Variants in ATG2A observed in about 807,000 individuals in gnomAD.
ATG2A encodes autophagy related 2A, also known as autophagy-related protein 2 homolog A.
Under a neutral mutation model 214.2 loss-of-function variants are expected in ATG2A, and 103 were observed. That is an observed-to-expected ratio of 0.48 (90% confidence interval 0.41 to 0.57). ATG2A has a LOEUF of 0.57. Ranked by LOEUF, ATG2A falls within the 20% of genes least tolerant of loss-of-function variation. The pLI is 0.00. For synonymous variants in ATG2A, 1,160 were observed against 1,142.1 expected, an observed-to-expected ratio of 1.02 and a Z score of -0.32; for missense variants, 2,312 against 2,613.2, an observed-to-expected ratio of 0.88 and a Z score of 2.51.
In ATG2A at chr11:64,903,788, G is replaced by A; in HGVS notation, c.3465-128C>T. 1.2e-6 allele frequency: 1 copy of A among 865,650 alleles called. No individual in the cohort carries two copies. Among genetic ancestry groups the A allele is most frequent in the Non-Finnish European group, 1.7e-6 (1 of 574,788 alleles). The allele number at this position is 865,650 out of a possible 1,614,324, so 53.6% of individuals were successfully genotyped here. A position where few individuals can be genotyped will look rare whatever the true frequency, so the allele number is the denominator to read the frequency against. ...AGGCCCCTCCAGCCTCAGCGTTCCTGCCTGCACAATGGGGAGAAGGCCCAG... is the reference window on the plus strand; with the variant it reads ...AGGCCCCTCCAGCCTCAGCGTTCCTACCTGCACAATGGGGAGAAGGCCCAG... On this transcript the variant is annotated intron_variant, in intron 24 of 40. Transcript: ENST00000377264. The surrounding 1 kb of genome is among the most constrained non-coding windows in gnomAD (Gnocchi z 4.2).
intron 1 of ATG2A, 126 bp downstream of exon 1, chr11:64,916,839 G>GA: frequency 7.4e-7 from 1 of 1,357,870 alleles, no homozygotes; most frequent in Non-Finnish European, 1.0e-6. Flanking sequence ...CGCCTGGAGA[G>GA]GGCAAGATTC....
chr11:64,907,931 G>T (rs762521002), intron 16 of ATG2A, 41 bp from the exon 17 acceptor site: 6 of 1,591,466 alleles, frequency 3.8e-6, no homozygotes, highest in Non-Finnish European at 5.1e-6. Context: ...AGTCATCTTA[G>T]AGACGCTGGC....
At position 64,895,091 on chromosome 11, in the gene ATG2A, G is replaced by A; in HGVS notation, c.5699C>T (p.Pro1900Leu). Residue 1900 changes from proline (P) to leucine (L), a missense_variant, in exon 41 of 41, where the codon CCG (proline) becomes CTG (leucine). By Grantham distance (98) the Pro-to-Leu change is moderately conservative. Transcript: ENST00000377264. The surrounding 1 kb of genome is among the most constrained non-coding windows in gnomAD (Gnocchi z 5.0). ...CGTGGCCTCCGTGGCCAGGATGAGC[G>A]GCTTCACCACAGTCGGGGGCAGCTG... is the stretch of plus-strand genomic sequence containing the variant. ...IRQLPPTVVK[P>L]LILATEATSS... 1.9e-6 allele frequency: 3 copies of A among 1,613,006 alleles called. No homozygotes were observed. The highest frequency in any genetic ancestry group is 2.5e-6 in the Non-Finnish European group (3 of 1,179,804).
chr11:64,909,768 T>G lies in ATG2A; in HGVS notation c.2020A>C (p.Ser674Arg). 1.9e-6 allele frequency: 3 copies of G among 1,612,802 alleles called. No individual in the cohort carries two copies. The highest frequency in any genetic ancestry group is 1.1e-5 in the South Asian group (1 of 91,084). Residue 674 changes from serine (S) to arginine (R), a missense_variant, in exon 14 of 41, where the codon AGT becomes CGT. By Grantham distance (110) the Ser-to-Arg change is moderately radical. Transcript: ENST00000377264. ...AGCTCTGACCGGAACTGGGGCTCAC[T>G]CAGCTCCAGCCGAAGCTGCTCAGCC... Reference protein sequence around the residue: ...VRAEQLRLELSEPQFRSELSS... With the variant: ...VRAEQLRLELREPQFRSELSS...
intron 15 of ATG2A, 59 bp downstream of exon 15, chr11:64,909,212 C>A: frequency 6.2e-7 from 1 of 1,609,610 alleles, no homozygotes; most frequent in Non-Finnish European, 8.5e-7. Context: ...CCAAACTGGC[C>A]CCCTGCCACC....
rs774336624 is a variant in ATG2A at position 64,905,873 on chromosome 11, G to A, written c.3265-25C>T. 2.6e-5 allele frequency: 41 copies of A among 1,605,152 alleles called. No homozygotes were observed. The Admixed American group carries it at 6.7e-4, about 26-fold the overall frequency. The stretch of plus-strand genomic sequence containing the variant: ...ACTTCAGAGGCCAGGGCAGGAGGAA[G>A]CAGTGAGGATCAGGTGGTGTCCTCC... On this transcript the variant is annotated intron_variant, in intron 22 of 40. Transcript: ENST00000377264.
At position 64,897,948 on chromosome 11, in the gene ATG2A, T is replaced by C. The variant is rs759019511; in HGVS notation, c.4885A>G (p.Ser1629Gly). The change falls in exon 35 of 41, where the codon AGC becomes GGC. Residue 1629 changes from serine (S) to glycine (G), a missense_variant. By Grantham distance (56) the Ser-to-Gly change is moderately conservative. Transcript: ENST00000377264. ...EARPETRAQP[S>G]SPLEGQAEGV... ...TCGGCCTGCCCTTCCAGGGGGCTGC[T>C]GGGCTGGGCTCGAGTCTCGGGGCGA... The C allele has an allele frequency of 6.5e-7, 1 of 1,549,962 alleles. No individual in the cohort carries two copies. Among genetic ancestry groups the C allele is most frequent in the Admixed American group, 1.9e-5 (1 of 51,590 alleles).
rs1944423725 is a variant in ATG2A, at chr11:64,903,280, T to A, written c.3612+8A>T. ...GGCTCCAGGAGCCAGAGTGACAGCC[T>A]CACTCACCAGTTTGCCCTCGGTGCT... On this transcript the variant is annotated splice_region_variant and intron_variant, in intron 26 of 40. Transcript: ENST00000377264. The surrounding 1 kb of genome is among the most constrained non-coding windows in gnomAD (Gnocchi z 4.2). 1 of 1,613,382 alleles carries A rather than the reference T, an allele frequency of 6.2e-7. No homozygotes were observed. Among genetic ancestry groups the A allele is most frequent in the Non-Finnish European group, 8.5e-7 (1 of 1,179,762 alleles).
chr11:64,909,390 G>A (rs1253994635), intron 14 of ATG2A, 23 bp from the exon 15 acceptor site: 3 of 1,603,274 alleles, frequency 1.9e-6, no homozygotes, highest in East Asian at 4.5e-5. Context: ...GGGGAATTAG[G>A]GGGGTCATCA....
Position 64,902,045 on chromosome 11 carries a change from C to T in ATG2A, c.4036G>A (p.Asp1346Asn). The change falls in exon 29 of 41, where the codon GAT becomes AAT. Residue 1346 changes from aspartate to asparagine, a missense_variant. Asp to Asn is a conservative substitution (Grantham distance 23). Transcript: ENST00000377264. ...SLGSCSEEKE[D>N]EREEEGDGDT... The stretch of plus-strand genomic sequence containing the variant: ...CCATCGCCCTCCTCTTCCCTTTCAT[C>T]TTCCTTCTCCTCTGAGCATGACCCT... 6.2e-7 allele frequency: 1 copy of T among 1,614,066 alleles called. No individual in the cohort carries two copies. Among genetic ancestry groups the T allele is most frequent in the Non-Finnish European group, 8.5e-7 (1 of 1,180,036 alleles).
chr11:64,897,867 G>A lies in ATG2A; in HGVS notation c.4966C>T (p.Pro1656Ser). 6.3e-7 allele frequency: 1 copy of A among 1,593,706 alleles called. No individual in the cohort carries two copies. The highest frequency in any genetic ancestry group is 8.6e-7 in the Non-Finnish European group (1 of 1,168,548). The change falls in exon 35 of 41, where the codon CCT becomes TCT. Residue 1656 changes from proline to serine, a missense_variant. Pro to Ser is a moderately conservative substitution (Grantham distance 74). Transcript: ENST00000377264. ...EAPGGGHSPSPPDQQPIYFRE... is the reference protein window; with the variant it reads ...EAPGGGHSPSSPDQQPIYFRE... ...AAGTAGATGGGCTGCTGGTCAGGAG[G>A]GGAGGGGCTGTGTCCACCTCCTGGG... is the stretch of plus-strand genomic sequence containing the variant.
intron 14 of ATG2A, 85 bp from the exon 15 acceptor site, chr11:64,909,452 GC>G: frequency 1.4e-6 from 2 of 1,455,750 alleles, no homozygotes; most frequent in Non-Finnish European, 1.9e-6. Flanking sequence ...TCAGAGCTGT[GC>G]CCCCGACTCC....
chr11:64,912,247 G>A lies in ATG2A; in HGVS notation c.925C>T (p.His309Tyr). ...ELLSAVSLTD[H>Y]EGLADKLNKS... ...TTCAGCTTGTCAGCCAGGCCCTCGT[G>A]GTCTGCAGGGGAGGAGACTTCAGTC... is the stretch of plus-strand genomic sequence containing the variant. Residue 309 changes from histidine to tyrosine, a missense_variant and splice_region_variant, in exon 8 of 41, where the codon CAC becomes TAC. Coordinates refer to ENST00000377264, the MANE Select transcript of ATG2A (RefSeq NM_015104.3). 1 of 1,612,548 alleles carries A rather than the reference G, an allele frequency of 6.2e-7. No individual in the cohort carries two copies. The highest frequency in any genetic ancestry group is 8.5e-7 in the Non-Finnish European group (1 of 1,179,172).
intron 19 of ATG2A, 121 bp downstream of exon 19, chr11:64,907,134 C>G: frequency 8.1e-7 from 1 of 1,228,932 alleles, no homozygotes; most frequent in Middle Eastern, 2.9e-4. Context: ...GGTGGGCTGG[C>G]GCTGCCCACT....
chr11:64,915,255 C>A (rs1204673273), intron 1 of ATG2A, among the ~76,000 whole-genome samples: 1 of 151,388 alleles, frequency 6.6e-6, no homozygotes, highest in East Asian at 1.9e-4. Flanking sequence ...CTGGAAGCTC[C>A]TGGAGGGCTG....
Position 64,903,245 on chromosome 11 carries a change from C to T in ATG2A, c.3612+43G>A, listed in dbSNP as rs763353240. The T allele has an allele frequency of 6.3e-7, 1 of 1,588,844 alleles. No individual in the cohort carries two copies. Among genetic ancestry groups the T allele is most frequent in the South Asian group, 1.1e-5 (1 of 90,284 alleles). ...CCCCTGAAGACTCCCTTGGCCCCTG[C>T]ACCTGCTGTGGCTCCAGGAGCCAGA... On this transcript the variant is annotated intron_variant, in intron 26 of 40. Transcript: ENST00000377264. The surrounding 1 kb of genome is among the most constrained non-coding windows in gnomAD (Gnocchi z 4.2).
At chr11:64,912,781 C>T (rs923398961) in intron 6 of ATG2A, 49 of 459,770 alleles carry the variant, frequency 1.1e-4, no homozygotes, top group South Asian at 8.7e-4. Flanking sequence ...TTAGTAGAGA[C>T]GGGGTTTCAC....
At chr11:64,904,103 G>C (rs531408407) in intron 24 of ATG2A, among the ~76,000 whole-genome samples, 2 of 151,996 alleles carry the variant, frequency 1.3e-5, no homozygotes, top group South Asian at 4.2e-4. Context: ...AATATTAGCC[G>C]AGCATGGTGG....
At position 64,898,001 on chromosome 11, in the gene ATG2A, G is replaced by A. The variant is rs371303823; in HGVS notation, c.4859-27C>T. The A allele has an allele frequency of 6.3e-7, 1 of 1,577,754 alleles. No homozygotes were observed. ...TAGGGGAGGGGAGGTCACAGACTGGGGATGGGGCCAGGAATGACTGGGAAC... is the reference window on the plus strand; with the variant it reads ...TAGGGGAGGGGAGGTCACAGACTGGAGATGGGGCCAGGAATGACTGGGAAC... On this transcript the variant is annotated intron_variant, in intron 34 of 40. Coordinates refer to ENST00000377264, the MANE Select transcript of ATG2A (RefSeq NM_015104.3). This position sits in a 1 kb window ranked among gnomAD's most constrained non-coding sequence, Gnocchi z 4.5.
Sources: allele counts gnomAD v4.1 joint callset (sites outside exome capture counted in the v4.1 genomes callset), GRCh38; gene constraint gnomAD v4.1.1; non-coding constraint Gnocchi (gnomAD v3.1); transcripts MANE v1.5; gene names NCBI Gene and HGNC (gene_info 2026-07-23, HGNC 2026-07-21).